Variants in MAP6 observed in about 807,000 individuals in gnomAD.
The protein encoded by MAP6 is microtubule-associated protein 6.
MAP6 carries 26 observed loss-of-function variants against 42.4 expected under a neutral mutation model. That is an observed-to-expected ratio of 0.61 (90% CI 0.45 to 0.85). The LOEUF is 0.85. Among genes scored for constraint, MAP6 ranks in the 40% least tolerant of loss-of-function variants. The pLI is 0.00. For missense variants in MAP6, 966 were observed against 1,099.0 expected (o/e 0.88, Z 1.71); for synonymous variants, 418 against 443.8 (o/e 0.94, Z 0.73).
chr11:75,606,019 A>C lies in MAP6; in HGVS notation c.1120-15T>G, dbSNP rs2135586802. 6.2e-7 allele frequency: 1 copy of C among 1,611,674 alleles called. No homozygotes were observed. Among genetic ancestry groups the C allele is most frequent in the Middle Eastern group, 1.7e-4 (1 of 5,964 alleles). Reference sequence around the variant, plus strand: ...GGTTTTTCCACCTGTACGGAGAGACAGACCGCAAATACAGAAACACAAAAA... The same window carrying C: ...GGTTTTTCCACCTGTACGGAGAGACCGACCGCAAATACAGAAACACAAAAA... On this transcript the variant is annotated splice_polypyrimidine_tract_variant and intron_variant, in intron 2 of 3. Transcript: ENST00000304771.
chr11:75,651,772 T>C (rs759677223), intron 1 of MAP6, among the ~76,000 whole-genome samples: 1 of 152,266 alleles, frequency 6.6e-6, no homozygotes, highest in Non-Finnish European at 1.5e-5. Flanking sequence ...GAATGAGTGA[T>C]GTGCTTAATA....
intron 1 of MAP6, among the ~76,000 whole-genome samples, chr11:75,662,820 A>G (rs1299667668): frequency 6.6e-6 from 1 of 152,170 alleles, no homozygotes; most frequent in Non-Finnish European, 1.5e-5. Context: ...AGTCTTTTGA[A>G]AGTTCTCCAC....
At chr11:75,647,654 A>G (rs977425514) in intron 1 of MAP6, among the ~76,000 whole-genome samples, 1 of 152,212 alleles carries the variant, frequency 6.6e-6, no homozygotes. Flanking sequence ...TTTGAAGAAT[A>G]TAAAAGAAGA....
chr11:75,591,176 G>T lies in MAP6; in HGVS notation c.1317-2992C>A, dbSNP rs537042171. Among the ~76,000 whole-genome samples, 23 of 151,982 alleles carry T rather than the reference G, an allele frequency of 1.5e-4. No homozygotes were observed. In the East Asian group the frequency reaches 2.9e-3, roughly 19 times the overall value. ...TTTTACACATTTTTAAACAACGATG[G>T]AACTTTTATGACAAGCCAATGGTCA... is the stretch of plus-strand genomic sequence containing the variant. On this transcript the variant is annotated intron_variant, in intron 3 of 3. Coordinates refer to ENST00000304771, the MANE Select transcript of MAP6 (RefSeq NM_033063.2).
intron 3 of MAP6, among the ~76,000 whole-genome samples, chr11:75,595,201 C>A (rs1255967912): frequency 6.6e-6 from 1 of 152,232 alleles, no homozygotes; most frequent in Non-Finnish European, 1.5e-5. Flanking sequence ...TCAGTGGCCA[C>A]TGGTTAGACC....
chr11:75,591,425 T>C (rs1317585415), intron 3 of MAP6, among the ~76,000 whole-genome samples: 1 of 152,244 alleles, frequency 6.6e-6, no homozygotes, highest in Non-Finnish European at 1.5e-5. Context: ...TCACTGACAC[T>C]GACTGGTCCT....
intron 1 of MAP6, among the ~76,000 whole-genome samples, chr11:75,623,551 T>A (rs376893954): frequency 2.6e-5 from 4 of 152,212 alleles, no homozygotes; most frequent in African/African-American, 9.6e-5. Flanking sequence ...GTCTGACTTA[T>A]ACTGTGATCT....
At chr11:75,603,687 G>A (rs1356347710) in intron 3 of MAP6, 8 of 985,232 alleles carry the variant, frequency 8.1e-6, no homozygotes, top group Non-Finnish European at 9.6e-6. Flanking sequence ...ATCAAGTCAT[G>A]TGCACCCTCT....
At chr11:75,605,704 C>G (rs1942750770) in intron 3 of MAP6, 104 bp downstream of exon 3, 9 of 1,535,768 alleles carry the variant, frequency 5.9e-6, no homozygotes, top group Non-Finnish European at 7.8e-6. Context: ...GATGAGAAGC[C>G]TCTAATTAAT....
chr11:75,643,264 G>T (rs961682509), intron 1 of MAP6, among the ~76,000 whole-genome samples: 1 of 151,292 alleles, frequency 6.6e-6, no homozygotes, highest in Non-Finnish European at 1.5e-5. Flanking sequence ...TTGCAGAGCT[G>T]GTTATTCACA....
At chr11:75,662,154 C>T (rs1394608897) in intron 1 of MAP6, among the ~76,000 whole-genome samples, 1 of 152,060 alleles carries the variant, frequency 6.6e-6, no homozygotes, top group African/African-American at 2.4e-5. Flanking sequence ...AGATATGTGA[C>T]CCTTATGTGA....
At chr11:75,642,723 A>G (rs769130043) in intron 1 of MAP6, 4 of 248,230 alleles carry the variant, frequency 1.6e-5, no homozygotes, top group Non-Finnish European at 2.6e-5. Context: ...TTGCTACCCT[A>G]CCAGCCACAA....
At chr11:75,591,576 G>A (rs1942477684) in intron 3 of MAP6, among the ~76,000 whole-genome samples, 1 of 152,252 alleles carries the variant, frequency 6.6e-6, no homozygotes, top group Non-Finnish European at 1.5e-5. Flanking sequence ...GCTGCATTCA[G>A]CCCACTCAGG....
At chr11:75,663,564 G>A (rs556949138) in intron 1 of MAP6, among the ~76,000 whole-genome samples, 55 of 152,270 alleles carry the variant, frequency 3.6e-4, no homozygotes, top group African/African-American at 1.2e-3. Context: ...TGTTCATGAC[G>A]TGGTGGGGGA....
chr11:75,588,252 T>A, intron 3 of MAP6, 68 bp from the exon 4 acceptor site: 1 of 1,460,998 alleles, frequency 6.8e-7, no homozygotes, highest in Non-Finnish European at 9.2e-7. Flanking sequence ...GAGTACAGAT[T>A]GCCTAATAAG....
chr11:75,666,501 G>A (rs1264814781), intron 1 of MAP6, among the ~76,000 whole-genome samples: 1 of 152,176 alleles, frequency 6.6e-6, no homozygotes, highest in Non-Finnish European at 1.5e-5. Flanking sequence ...AACATGTAGG[G>A]AAAGGAGAGA....
Position 75,608,251 on chromosome 11 carries a change from GGGGGCTTGTACT to G in MAP6, c.965_976del (p.Gln322_Pro325del). ...GGTCTCATGAACCATCTTATCATCT[GGGGGCTTGTACT>G]GGGGCTTGGCCTTTATTGGTTTCAC... On this transcript the variant is annotated inframe_deletion, in exon 2 of 4. Transcript: ENST00000304771. The G allele has an allele frequency of 1.2e-6, 2 of 1,614,208 alleles. No individual in the cohort carries two copies. Among genetic ancestry groups the G allele is most frequent in the Non-Finnish European group, 1.7e-6 (2 of 1,180,018 alleles).
intron 3 of MAP6, chr11:75,605,004 C>T (rs534088569): frequency 1.6e-4 from 153 of 985,460 alleles, no homozygotes; most frequent in East Asian, 5.7e-4. Flanking sequence ...GGTCGCTCTG[C>T]GAAACCAGCA....
chr11:75,665,766 T>C (rs1353952571), intron 1 of MAP6, among the ~76,000 whole-genome samples: 1 of 152,188 alleles, frequency 6.6e-6, no homozygotes, highest in Non-Finnish European at 1.5e-5. Flanking sequence ...CATTCTACCA[T>C]CTCATGGCTA....
Sources: gnomAD v4.1 joint callset for allele counts (sites outside exome capture counted in the v4.1 genomes callset) on GRCh38, gnomAD v4.1.1 for gene constraint, MANE v1.5 for transcripts, NCBI Gene and HGNC (gene_info 2026-07-23, HGNC 2026-07-21) for gene names.